Variants in KCNK13 observed in about 807,000 individuals in gnomAD.
KCNK13 encodes the protein potassium two pore domain channel subfamily K member 13.
KCNK13 carries 12 observed loss-of-function variants against 23.4 expected under a neutral mutation model. The observed-to-expected ratio is 0.51, with a 90% CI of 0.33 to 0.83. The LOEUF is 0.83. KCNK13 is among the 40% of genes least tolerant of loss of function. KCNK13 has a pLI of 0.02. For synonymous variants in KCNK13, 231 were observed against 229.5 expected (o/e 1.01, Z -0.06); for missense variants, 463 against 556.3 (o/e 0.83, Z 1.69).
chr14:90,165,185 C>T (rs866299069), intron 1 of KCNK13, among the ~76,000 whole-genome samples: 1 of 152,172 alleles, frequency 6.6e-6, no homozygotes, highest in African/African-American at 2.4e-5. Flanking sequence ...TCAGTTACCT[C>T]CCACTGGGTC....
chr14:90,143,434 T>G (rs923218105), intron 1 of KCNK13, among the ~76,000 whole-genome samples: 1 of 152,108 alleles, frequency 6.6e-6, no homozygotes, highest in South Asian at 2.1e-4. Flanking sequence ...GAGTGGCATA[T>G]TCTGCTACCC....
intron 1 of KCNK13, among the ~76,000 whole-genome samples, chr14:90,089,137 G>A (rs1889314835): frequency 6.6e-6 from 1 of 152,226 alleles, no homozygotes; most frequent in African/African-American, 2.4e-5. Context: ...GTAACAGGCA[G>A]AGACTGGAAC....
At chr14:90,085,276 A>G (rs1596770660) in intron 1 of KCNK13, among the ~76,000 whole-genome samples, 1 of 152,182 alleles carries the variant, frequency 6.6e-6, no homozygotes, top group Middle Eastern at 3.4e-3. Context: ...ATCTTGAGAT[A>G]AGTCCTACTT....
At chr14:90,077,277 G>A (rs902608064) in intron 1 of KCNK13, among the ~76,000 whole-genome samples, 4 of 151,290 alleles carry the variant, frequency 2.6e-5, no homozygotes, top group Non-Finnish European at 4.4e-5. Context: ...TCACCACCAC[G>A]CCGGGCTAAT....
At chr14:90,176,531 C>G (rs1305390398) in intron 1 of KCNK13, among the ~76,000 whole-genome samples, 2 of 151,954 alleles carry the variant, frequency 1.3e-5, no homozygotes, top group Middle Eastern at 3.2e-3. Context: ...TCTGCCAATT[C>G]TTTTGTAGTT....
chr14:90,124,553 G>A (rs1889774024), intron 1 of KCNK13, among the ~76,000 whole-genome samples: 1 of 152,262 alleles, frequency 6.6e-6, no homozygotes, highest in African/African-American at 2.4e-5. Context: ...GCCAGGAACT[G>A]GAGCTGGCAA....
At chr14:90,181,423 G>C (rs149559361) in intron 1 of KCNK13, among the ~76,000 whole-genome samples, 64 of 152,244 alleles carry the variant, frequency 4.2e-4, no homozygotes, top group Non-Finnish European at 6.9e-4. Context: ...AGGGAGGAAG[G>C]AATGGATGAA....
chr14:90,111,010 CAA>C (rs11352357), intron 1 of KCNK13, among the ~76,000 whole-genome samples: 2,843 of 142,574 alleles, frequency 0.02, 53 homozygotes, highest in African/African-American at 0.054. Context: ...ACTTTTGTCT[CAA>C]AAAAAAAAAA....
At chr14:90,098,667 G>C (rs899281570) in intron 1 of KCNK13, among the ~76,000 whole-genome samples, 1 of 149,714 alleles carries the variant, frequency 6.7e-6, no homozygotes, top group Non-Finnish European at 1.5e-5. Context: ...AAAAAAAAAA[G>C]AAAACACATT....
At chr14:90,120,968 T>C (rs1889732530) in intron 1 of KCNK13, among the ~76,000 whole-genome samples, 1 of 152,138 alleles carries the variant, frequency 6.6e-6, no homozygotes, top group Middle Eastern at 3.2e-3. Flanking sequence ...AATACACCCA[T>C]TGCAGTCTGT....
At position 90,062,088 on chromosome 14, in the gene KCNK13, G is replaced by A; in HGVS notation, c.-118G>A. On this transcript the variant is annotated 5_prime_UTR_variant, in exon 1 of 2. Transcript: ENST00000282146. The surrounding 1 kb of genome is among the most constrained non-coding windows in gnomAD (Gnocchi z 4.5). ...AGAGCCCGGCGGTCATGGGCGAGCCGGCGGTGGGGCGCCCGGGAGCTGGCT... is the reference window on the plus strand; with the variant it reads ...AGAGCCCGGCGGTCATGGGCGAGCCAGCGGTGGGGCGCCCGGGAGCTGGCT... 1 of 637,264 alleles carries A rather than the reference G, an allele frequency of 1.6e-6. No individual in the cohort carries two copies. Among genetic ancestry groups the A allele is most frequent in the Non-Finnish European group, 2.3e-6 (1 of 434,624 alleles). The allele number at this position is 637,264 out of a possible 1,614,324, so 39.5% of individuals were successfully genotyped here.
chr14:90,170,249 T>C (rs1488341038), intron 1 of KCNK13, among the ~76,000 whole-genome samples: 1 of 152,126 alleles, frequency 6.6e-6, no homozygotes, highest in Non-Finnish European at 1.5e-5. Context: ...AGTCTCACTC[T>C]GTTGCCCAGG....
At chr14:90,172,900 G>C (rs747036719) in intron 1 of KCNK13, among the ~76,000 whole-genome samples, 3 of 152,170 alleles carry the variant, frequency 2.0e-5, no homozygotes, top group Non-Finnish European at 4.4e-5. Flanking sequence ...AAGATAAAAG[G>C]CTGGCCAAGC....
chr14:90,183,186 G>C (rs540839622), intron 1 of KCNK13, among the ~76,000 whole-genome samples: 1 of 152,308 alleles, frequency 6.6e-6, no homozygotes, highest in East Asian at 1.9e-4. Flanking sequence ...AATGTGAACA[G>C]TTAGAGGCAA....
chr14:90,068,322 G>C (rs1318048077), intron 1 of KCNK13, among the ~76,000 whole-genome samples: 1 of 151,942 alleles, frequency 6.6e-6, no homozygotes, highest in Non-Finnish European at 1.5e-5. Context: ...GGGCCCAGCG[G>C]GGTGGCTCAT....
intron 1 of KCNK13, among the ~76,000 whole-genome samples, chr14:90,156,429 C>A (rs1371443862): frequency 6.6e-6 from 1 of 151,992 alleles, no homozygotes; most frequent in South Asian, 2.1e-4. Flanking sequence ...AGACTTGTGT[C>A]TTGGAAACCA....
chr14:90,075,861 A>G (rs903871432), intron 1 of KCNK13, among the ~76,000 whole-genome samples: 5 of 152,180 alleles, frequency 3.3e-5, no homozygotes, highest in African/African-American at 1.2e-4. Flanking sequence ...GCTTTGGTTC[A>G]TCATTCATTT....
intron 1 of KCNK13, among the ~76,000 whole-genome samples, chr14:90,182,460 G>A (rs1234061562): frequency 6.6e-6 from 1 of 152,142 alleles, no homozygotes; most frequent in Admixed American, 6.5e-5. Flanking sequence ...TTATCAGGAG[G>A]GAGGATCATG....
chr14:90,112,547 A>G (rs1254826969), intron 1 of KCNK13, among the ~76,000 whole-genome samples: 1 of 152,356 alleles, frequency 6.6e-6, no homozygotes, highest in East Asian at 1.9e-4. Flanking sequence ...AATAGTTAAA[A>G]TTGCAAGTGA....
Sources: gnomAD v4.1 joint callset for allele counts (sites outside exome capture counted in the v4.1 genomes callset) on GRCh38, gnomAD v4.1.1 for gene constraint, Gnocchi (gnomAD v3.1) non-coding constraint, MANE v1.5 for transcripts, NCBI Gene and HGNC (gene_info 2026-07-23, HGNC 2026-07-21) for gene names.